Variants in LGMN observed in about 807,000 individuals in gnomAD.
LGMN encodes the protein legumain.
LGMN carries 36 observed loss-of-function variants against 56.8 expected under a neutral mutation model. The observed-to-expected ratio is 0.63, with a 90% confidence interval of 0.49 to 0.84. LGMN has a LOEUF of 0.84. LGMN is among the 40% of genes least tolerant of loss of function. The pLI, the probability that LGMN is intolerant of heterozygous loss-of-function variation, is 0.00. For missense variants in LGMN, 446 were observed against 556.1 expected, an observed-to-expected ratio of 0.80 and a Z score of 1.99; for synonymous variants, 199 against 210.1, an observed-to-expected ratio of 0.95 and a Z score of 0.46.
intron 2 of LGMN, among the ~76,000 whole-genome samples, chr14:92,722,805 AG>A (rs1890547043): frequency 6.6e-6 from 1 of 152,230 alleles, no homozygotes; most frequent in Admixed American, 6.5e-5. Context: ...ATTTCACCTA[AG>A]AAGATATACA....
chr14:92,732,892 T>C, intron 1 of LGMN, 77 bp from the exon 2 acceptor site: 2 of 1,185,836 alleles, frequency 1.7e-6, no homozygotes, highest in Non-Finnish European at 2.3e-6. Context: ...GGCTCACACC[T>C]GTAATTCCAG....
chr14:92,715,613 C>G (rs935645760), intron 5 of LGMN: 2 of 152,472 alleles, frequency 1.3e-5, no homozygotes, highest in Non-Finnish European at 2.9e-5. Flanking sequence ...AAAAATGCCA[C>G]ATGAGCAATT....
intron 3 of LGMN, among the ~76,000 whole-genome samples, chr14:92,718,511 T>C (rs898706071): frequency 6.6e-6 from 1 of 151,732 alleles, no homozygotes; most frequent in African/African-American, 2.4e-5. Flanking sequence ...GAAGTGGAGG[T>C]TGCAGTGAGC....
At chr14:92,721,081 A>C (rs753401921) in intron 2 of LGMN, among the ~76,000 whole-genome samples, 1 of 151,948 alleles carries the variant, frequency 6.6e-6, no homozygotes, top group Admixed American at 6.6e-5. Context: ...CTGTAGAGTC[A>C]GGGTCTCGCT....
intron 2 of LGMN, among the ~76,000 whole-genome samples, chr14:92,731,981 T>G (rs1891070748): frequency 6.6e-6 from 1 of 152,144 alleles, no homozygotes; most frequent in South Asian, 2.1e-4. Flanking sequence ...TCTGGTAGGC[T>G]GATGTGGGGA....
chr14:92,737,471 T>G (rs1448652528), intron 1 of LGMN, among the ~76,000 whole-genome samples: 1 of 151,680 alleles, frequency 6.6e-6, no homozygotes, highest in African/African-American at 2.4e-5. Flanking sequence ...ACCTGGGGAG[T>G]TTTTGGCCTA....
chr14:92,710,619 C>T (rs545006055), intron 10 of LGMN, among the ~76,000 whole-genome samples: 2 of 152,194 alleles, frequency 1.3e-5, no homozygotes, highest in African/African-American at 4.8e-5. Flanking sequence ...TCAGCAATAC[C>T]ACACACACCA....
chr14:92,739,199 A>G (rs918548027), intron 1 of LGMN, among the ~76,000 whole-genome samples: 1 of 152,190 alleles, frequency 6.6e-6, no homozygotes, highest in African/African-American at 2.4e-5. Flanking sequence ...CATTTATTGT[A>G]TGATTTTTGA....
intron 2 of LGMN, among the ~76,000 whole-genome samples, chr14:92,720,918 G>A (rs1332286055): frequency 6.6e-6 from 1 of 151,716 alleles, no homozygotes; most frequent in Non-Finnish European, 1.5e-5. Flanking sequence ...TTTGAGACAG[G>A]GTCTTGCTGT....
At chr14:92,743,284 G>C (rs543297686) in intron 1 of LGMN, among the ~76,000 whole-genome samples, 46 of 151,546 alleles carry the variant, frequency 3.0e-4, no homozygotes, top group African/African-American at 1.1e-3. Context: ...GGTGGATCAC[G>C]AGGTCAGGAG....
intron 2 of LGMN, 91 bp from the exon 3 acceptor site, chr14:92,718,935 C>T (rs1890209113): frequency 1.3e-6 from 1 of 758,090 alleles, no homozygotes; most frequent in Non-Finnish European, 2.3e-6. Flanking sequence ...TCCTGGAAGA[C>T]TTACTGTGAA....
intron 11 of LGMN, 118 bp from the exon 12 acceptor site, chr14:92,706,771 G>T: frequency 1.1e-6 from 1 of 897,018 alleles, no homozygotes; most frequent in Non-Finnish European, 1.5e-6. Flanking sequence ...GCCTCCCGCA[G>T]GTTAGAGGAA....
chr14:92,735,683 T>C (rs7157038), intron 1 of LGMN, among the ~76,000 whole-genome samples: 50,726 of 151,934 alleles, frequency 0.33, 8,654 homozygotes, highest in East Asian at 0.56. Context: ...AACAGGAACT[T>C]AATTCTTAAT....
chr14:92,708,151 C>CA (rs5810610), intron 11 of LGMN, among the ~76,000 whole-genome samples: 6,079 of 133,932 alleles, frequency 0.045, 261 homozygotes, highest in African/African-American at 0.11. Context: ...AACTCCATCT[C>CA]AAAAAAAAAA....
At chr14:92,719,324 CCACCGCCACCGCCAT>C (rs1201296603) in intron 2 of LGMN, among the ~76,000 whole-genome samples, 10,832 of 126,568 alleles carry the variant, frequency 0.086, 934 homozygotes, top group East Asian at 0.25. Context: ...GCCGCCGCCG[CCACCGCCACCGCCAT>C]CACCGCCACC....
intron 4 of LGMN, 102 bp downstream of exon 4, chr14:92,717,278 C>T: frequency 3.0e-6 from 2 of 677,260 alleles, no homozygotes; most frequent in Non-Finnish European, 2.5e-6. Context: ...CGACCAGAAG[C>T]CAGTCTAGGG....
chr14:92,732,740 C>G lies in LGMN; in HGVS notation c.47G>C (p.Gly16Ala). Residue 16 changes from glycine to alanine, a missense_variant, in exon 2 of 14, where the codon GGT becomes GCT. Gly to Ala is a moderately conservative substitution (Grantham distance 60, BLOSUM62 0). Transcript: ENST00000334869. ...AVFLSVALGI[G>A]AVPIDDPEDG... ...TTCAGGATCATCTATAGGAACGGCA[C>G]CAATGCCCAGGGCCACACTGAGGAA... 5.6e-6 allele frequency: 9 copies of G among 1,614,192 alleles called. No homozygotes were observed. Among genetic ancestry groups the G allele is most frequent in the Non-Finnish European group, 7.6e-6 (9 of 1,180,036 alleles).
intron 6 of LGMN, 55 bp from the exon 7 acceptor site, chr14:92,713,940 T>C: frequency 4.6e-6 from 6 of 1,318,068 alleles, no homozygotes; most frequent in Non-Finnish European, 6.6e-6. Context: ...ATTTGCTGGA[T>C]AAGCCACTAG....
intron 2 of LGMN, among the ~76,000 whole-genome samples, chr14:92,732,021 G>A (rs1225770823): frequency 1.3e-5 from 2 of 151,972 alleles, no homozygotes; most frequent in East Asian, 3.8e-4. Context: ...AGGAGGGTGT[G>A]AAGAGAGAGC....
Sources: allele counts gnomAD v4.1 joint callset (sites outside exome capture counted in the v4.1 genomes callset), GRCh38; gene constraint gnomAD v4.1.1; transcripts MANE v1.5; gene names NCBI Gene and HGNC (gene_info 2026-07-23, HGNC 2026-07-21).